Variants in FLVCR1 observed in about 807,000 individuals in gnomAD.
FLVCR1 encodes FLVCR choline and heme transporter 1.
In FLVCR1, 34 loss-of-function variants were observed where a neutral mutation model predicts 53.6. The ratio of observed to expected loss-of-function variants is 0.63; its 90% CI spans 0.48 to 0.84. The LOEUF is 0.84. Among genes scored for constraint, FLVCR1 ranks in the 40% least tolerant of loss-of-function variants. The pLI is 0.00. For missense variants in FLVCR1, 677 were observed against 696.7 expected (o/e 0.97, Z 0.32); for synonymous variants, 300 against 286.3 (o/e 1.05, Z -0.48).
At chr1:212,893,676 G>A (rs913113730) in intron 8 of FLVCR1, among the ~76,000 whole-genome samples, 4 of 152,188 alleles carry the variant, frequency 2.6e-5, no homozygotes, top group Admixed American at 1.3e-4. Flanking sequence ...TGATCTGTCA[G>A]CAGCCATCAA....
intron 3 of FLVCR1, among the ~76,000 whole-genome samples, chr1:212,875,509 G>T (rs937813542): frequency 3.9e-5 from 6 of 152,244 alleles, no homozygotes; most frequent in African/African-American, 1.4e-4. Flanking sequence ...GAATACTCAG[G>T]TATCTGTGGA....
Position 212,859,114 on chromosome 1 carries a change from C to T in FLVCR1, c.662C>T (p.Pro221Leu). 1 of 1,613,916 alleles carries T rather than the reference C, an allele frequency of 6.2e-7. No individual in the cohort carries two copies. The highest frequency in any genetic ancestry group is 8.5e-7 in the Non-Finnish European group (1 of 1,180,016). ...SVAQVFILGLPSRIASVWFGP... is the reference protein window; with the variant it reads ...SVAQVFILGLLSRIASVWFGP... ...GCCCAGGTGTTCATCCTGGGCTTGC[C>T]CTCCCGCATCGCCTCAGTGTGGTTT... Residue 221 changes from proline to leucine, a missense_variant, in exon 1 of 10, where the codon CCC becomes CTC. By Grantham distance (98) the Pro-to-Leu change is moderately conservative (BLOSUM62 -3). Coordinates refer to ENST00000366971, the MANE Select transcript of FLVCR1 (RefSeq NM_014053.4).
chr1:212,859,310 G>A, intron 1 of FLVCR1, 120 bp downstream of exon 1: 1 of 1,473,492 alleles, frequency 6.8e-7, no homozygotes, highest in South Asian at 1.2e-5. Flanking sequence ...TATAAAAGAG[G>A]AGATGAAGCC....
At position 212,874,527 on chromosome 1, in the gene FLVCR1, T is replaced by C. The variant is rs999938097; in HGVS notation, c.1024+1709T>C. Among the ~76,000 whole-genome samples the C allele has an allele frequency of 0.013, 106 of 8,480 alleles. 3 individuals carry two copies. The East Asian group carries it at 0.5, about 40-fold the overall frequency. 5.6% of individuals were successfully genotyped at this position (8,480 alleles called of 152,430 possible). A position where few individuals can be genotyped will look rare whatever the true frequency, so the allele number is the denominator to read the frequency against. ...CCTGTCATTTAATTTTCTTTTTTTCTTTTTTTTTTTTTTTTTTTTGAGATG... is the reference window on the plus strand; with the variant it reads ...CCTGTCATTTAATTTTCTTTTTTTCCTTTTTTTTTTTTTTTTTTTGAGATG... On this transcript the variant is annotated intron_variant, in intron 3 of 9. Coordinates refer to ENST00000366971, the MANE Select transcript of FLVCR1 (RefSeq NM_014053.4).
At chr1:212,878,715 G>T (rs189425953) in intron 3 of FLVCR1, among the ~76,000 whole-genome samples, 100 of 152,122 alleles carry the variant, frequency 6.6e-4, no homozygotes, top group Non-Finnish European at 1.2e-3. Context: ...AAACTATAAA[G>T]ATATCTTAGA....
chr1:212,878,885 G>T (rs1033206769), intron 3 of FLVCR1, among the ~76,000 whole-genome samples: 2 of 151,982 alleles, frequency 1.3e-5, no homozygotes, highest in Non-Finnish European at 2.9e-5. Context: ...GCTAGTTGTG[G>T]GGCTGAGATA....
At chr1:212,863,990 T>C in intron 2 of FLVCR1, 121 bp downstream of exon 2, 1 of 791,374 alleles carries the variant, frequency 1.3e-6, no homozygotes, top group East Asian at 2.6e-5. Context: ...CATTCTTCCA[T>C]GCCCTGTCTT....
chr1:212,859,186 A>G lies in FLVCR1; in HGVS notation c.734A>G (p.Asn245Ser), dbSNP rs867244763. The change falls in exon 1 of 10, where the codon AAT becomes AGT. Residue 245 changes from asparagine to serine, a missense_variant. Transcript: ENST00000366971. ...STACATAVLG[N>S]QLGTAVGFLL... ...GCTTGTGCCACCGCCGTGCTGGGCAATCAGGTAAGTACTGGAGTGGTAGGT... is the reference window on the plus strand; with the variant it reads ...GCTTGTGCCACCGCCGTGCTGGGCAGTCAGGTAAGTACTGGAGTGGTAGGT... The G allele has an allele frequency of 5.0e-6, 8 of 1,614,052 alleles. No individual in the cohort carries two copies. Among genetic ancestry groups the G allele is most frequent in the Non-Finnish European group, 5.9e-6 (7 of 1,180,038 alleles).
intron 3 of FLVCR1, among the ~76,000 whole-genome samples, chr1:212,874,526 C>CTTTTTTTTTTTTTTTTTTTT (rs61497441): frequency 1.7e-5 from 2 of 120,880 alleles, no homozygotes; most frequent in South Asian, 2.5e-4. Flanking sequence ...TTCTTTTTTT[C>CTTTTTTTTTTTTTTTTTTTT]TTTTTTTTTT....
At chr1:212,876,248 C>T (rs1452419749) in intron 3 of FLVCR1, among the ~76,000 whole-genome samples, 1 of 152,134 alleles carries the variant, frequency 6.6e-6, no homozygotes, top group Non-Finnish European at 1.5e-5. Flanking sequence ...CATGTGTTCT[C>T]ATCATTCCGC....
intron 3 of FLVCR1, among the ~76,000 whole-genome samples, chr1:212,882,855 C>T (rs985285216): frequency 2.0e-5 from 3 of 146,550 alleles, no homozygotes; most frequent in Non-Finnish European, 3.0e-5. Context: ...GCTGAGATTG[C>T]ACCACTACTC....
rs1665303954 is a variant in FLVCR1, at chr1:212,895,272, G to T, written c.1650G>T (p.Gln550His). 1 of 1,613,266 alleles carries T rather than the reference G, an allele frequency of 6.2e-7. No homozygotes were observed. Among genetic ancestry groups the T allele is most frequent in the Non-Finnish European group, 8.5e-7 (1 of 1,179,294 alleles). The change falls in exon 10 of 10, where the codon CAG becomes CAT. Residue 550 changes from glutamine to histidine, a missense_variant. Gln to His is a conservative substitution (Grantham distance 24). Transcript: ENST00000366971. ...CAAAAACGGTTATGTTGTCCAAGCA[G>T]TCAGAATCAGCAATTTGAAGAGAAA... is the stretch of plus-strand genomic sequence containing the variant. Reference protein sequence around the residue: ...QEPKTVMLSKQSESAI With the variant: ...QEPKTVMLSKHSESAI
At chr1:212,871,623 A>G (rs183973305) in intron 2 of FLVCR1, among the ~76,000 whole-genome samples, 25 of 152,232 alleles carry the variant, frequency 1.6e-4, no homozygotes, top group Admixed American at 1.2e-3. Context: ...TGTACAAGTG[A>G]TGGACCCACT....
At chr1:212,893,663 C>T (rs957032276) in intron 8 of FLVCR1, among the ~76,000 whole-genome samples, 3 of 152,222 alleles carry the variant, frequency 2.0e-5, no homozygotes, top group Non-Finnish European at 4.4e-5. Flanking sequence ...GCAACCACCA[C>T]CCTGATCTGT....
Position 212,863,889 on chromosome 1 carries a change from TA to T in FLVCR1, c.883+23del. ...CAATTGGTAAGTGAATTACTTTCCC[TA>T]AAGCTTAAATGAATGCATGATAGAA... On this transcript the variant is annotated intron_variant, in intron 2 of 9. Coordinates refer to ENST00000366971, the MANE Select transcript of FLVCR1 (RefSeq NM_014053.4). 1.2e-6 allele frequency: 2 copies of T among 1,601,938 alleles called. No individual in the cohort carries two copies. Among genetic ancestry groups the T allele is most frequent in the Non-Finnish European group, 1.7e-6 (2 of 1,169,198 alleles).
rs566844458 is a variant in FLVCR1 at position 212,863,364 on chromosome 1, G to A, written c.739-361G>A. Among the ~76,000 whole-genome samples, 265 of 152,250 alleles carry A rather than the reference G, an allele frequency of 1.7e-3. 1 individual carries two copies. Among genetic ancestry groups the A allele is most frequent in the Non-Finnish European group, 2.6e-3 (174 of 68,020 alleles). On this transcript the variant is annotated intron_variant, in intron 1 of 9. Coordinates refer to ENST00000366971, the MANE Select transcript of FLVCR1 (RefSeq NM_014053.4). ...CCCAGCACTTTGGGAGGCCGAGGCG[G>A]GCGGATCATGAGGTCAGGAGTTCGA...
intron 4 of FLVCR1, among the ~76,000 whole-genome samples, chr1:212,884,002 T>C (rs1394306343): frequency 3.3e-5 from 5 of 152,174 alleles, no homozygotes; most frequent in Non-Finnish European, 5.9e-5. Context: ...ACATATTTAA[T>C]CCAGTTTATA....
intron 2 of FLVCR1, among the ~76,000 whole-genome samples, chr1:212,865,485 A>ATTTTT (rs58544929): frequency 7.5e-6 from 1 of 133,656 alleles, no homozygotes; most frequent in African/African-American, 3.0e-5. Flanking sequence ...TGCAATAGGG[A>ATTTTT]TTTTTTTTTT....
intron 5 of FLVCR1, among the ~76,000 whole-genome samples, chr1:212,886,407 A>T (rs1297703273): frequency 6.6e-6 from 1 of 152,122 alleles, no homozygotes; most frequent in Non-Finnish European, 1.5e-5. Flanking sequence ...CTTTCCAATC[A>T]AAAAATTATT....
Sources: allele counts gnomAD v4.1 joint callset (sites outside exome capture counted in the v4.1 genomes callset), GRCh38; gene constraint gnomAD v4.1.1; transcripts MANE v1.5; gene names NCBI Gene and HGNC (gene_info 2026-07-23, HGNC 2026-07-21).